FERMT2: variants seen among roughly 807,000 people sequenced by gnomAD.
FERMT2 encodes the protein FERM domain containing kindlin 2.
A neutral mutation model predicts 82.7 loss-of-function variants in FERMT2; 15 were observed. That is an observed-to-expected ratio of 0.18 (90% CI 0.12 to 0.28). The LOEUF (loss-of-function observed/expected upper bound fraction) is 0.28, where lower values mean the gene tolerates loss of function less well. Among genes scored for constraint, FERMT2 ranks in the 10% least tolerant of loss-of-function variants. The pLI is 1.00. For missense variants in FERMT2, 645 were observed against 809.4 expected (o/e 0.80, Z 2.46); for synonymous variants, 274 against 271.5 (o/e 1.01, Z -0.09).
chr14:52,909,043 G>A (rs1888166327), intron 3 of FERMT2, among the ~76,000 whole-genome samples: 2 of 152,120 alleles, frequency 1.3e-5, no homozygotes, highest in Admixed American at 6.6e-5. Flanking sequence ...GCTAAGGGCA[G>A]CCATATGACC....
At chr14:52,912,645 G>C (rs189236682) in intron 3 of FERMT2, among the ~76,000 whole-genome samples, 158 of 152,106 alleles carry the variant, frequency 1.0e-3, no homozygotes, top group Non-Finnish European at 1.8e-3. Context: ...AAACAGTTGG[G>C]ACCACAGGTG....
chr14:52,879,643 A>AAT (rs763833238), intron 6 of FERMT2, among the ~76,000 whole-genome samples: 3 of 152,164 alleles, frequency 2.0e-5, no homozygotes, highest in Non-Finnish European at 2.9e-5. Context: ...CTATAATTTT[A>AAT]TTATAGAGAT....
intron 3 of FERMT2, among the ~76,000 whole-genome samples, chr14:52,907,990 C>T (rs181397820): frequency 6.6e-6 from 1 of 152,260 alleles, no homozygotes; most frequent in Admixed American, 6.5e-5. Context: ...GCAAAGAATG[C>T]TTACAACACA....
intron 4 of FERMT2, among the ~76,000 whole-genome samples, chr14:52,889,248 G>A (rs1886794585): frequency 6.6e-6 from 1 of 152,146 alleles, no homozygotes; most frequent in Non-Finnish European, 1.5e-5. Context: ...GTCAGTAATA[G>A]CAACGTTTTA....
intron 4 of FERMT2, 88 bp from the exon 5 acceptor site, chr14:52,881,557 T>G: frequency 9.5e-7 from 1 of 1,056,632 alleles, no homozygotes; most frequent in Non-Finnish European, 1.4e-6. Flanking sequence ...ATAAAGCACA[T>G]TGTGAAACAA....
intron 2 of FERMT2, among the ~76,000 whole-genome samples, chr14:52,931,024 C>T (rs1889542753): frequency 1.3e-5 from 2 of 151,968 alleles, no homozygotes; most frequent in Non-Finnish European, 1.5e-5. Context: ...AGGATGTGCC[C>T]TCCTGTTCTG....
At chr14:52,900,197 G>A (rs1230675879) in intron 3 of FERMT2, among the ~76,000 whole-genome samples, 1 of 151,426 alleles carries the variant, frequency 6.6e-6, no homozygotes, top group African/African-American at 2.4e-5. Context: ...CAGCAGCCTC[G>A]ACTTCCCAGG....
chr14:52,915,628 A>G (rs139639249), intron 3 of FERMT2, among the ~76,000 whole-genome samples: 3 of 152,366 alleles, frequency 2.0e-5, no homozygotes, highest in African/African-American at 7.2e-5. Context: ...TTCTAAGTAG[A>G]TAAAAGCAGT....
At position 52,872,884 on chromosome 14, in the gene FERMT2, C is replaced by G; in HGVS notation, c.1188G>C (p.Trp396Cys). The part of the protein sequence containing the change: ...KLTLKGYKQY[W>C]CTFKDTSISC... ...AAATGGATGTGTCTTTGAAGGTGCA[C>G]CAATATTGTTTGTAACCTTTCAGAG... Residue 396 changes from tryptophan (W) to cysteine (C), a missense_variant, in exon 10 of 15, where the codon TGG becomes TGC. Trp to Cys is a radical substitution (Grantham distance 215, BLOSUM62 -2). Coordinates refer to ENST00000341590, the MANE Select transcript of FERMT2 (RefSeq NM_006832.3). 1 of 1,613,914 alleles carries G rather than the reference C, an allele frequency of 6.2e-7. No homozygotes were observed. Among genetic ancestry groups the G allele is most frequent in the Non-Finnish European group, 8.5e-7 (1 of 1,179,858 alleles).
intron 12 of FERMT2, chr14:52,861,598 T>C (rs1884942887): frequency 6.5e-6 from 1 of 152,742 alleles, no homozygotes; most frequent in African/African-American, 2.4e-5. Context: ...ATGTGTTTTT[T>C]GCATCCTTTT....
intron 2 of FERMT2, among the ~76,000 whole-genome samples, chr14:52,945,489 G>T (rs189247718): frequency 7.2e-5 from 11 of 151,802 alleles, no homozygotes; most frequent in Non-Finnish European, 1.5e-4. Context: ...CCTGACCTCA[G>T]GTGATCCACC....
intron 2 of FERMT2, among the ~76,000 whole-genome samples, chr14:52,936,929 C>T (rs1457957958): frequency 1.3e-5 from 2 of 151,780 alleles, no homozygotes; most frequent in East Asian, 1.9e-4. Flanking sequence ...CTGAGGTGGG[C>T]GGATCACCTG....
chr14:52,895,493 C>G (rs1887204775), intron 3 of FERMT2, among the ~76,000 whole-genome samples: 1 of 152,176 alleles, frequency 6.6e-6, no homozygotes, highest in Non-Finnish European at 1.5e-5. Flanking sequence ...GAACACAACT[C>G]ACCAATCAGT....
At chr14:52,942,216 T>A (rs1396689734) in intron 2 of FERMT2, among the ~76,000 whole-genome samples, 1 of 152,142 alleles carries the variant, frequency 6.6e-6, no homozygotes, top group Non-Finnish European at 1.5e-5. Flanking sequence ...ACAAATAGTT[T>A]ATATAAAGTA....
chr14:52,924,626 G>T lies in FERMT2; in HGVS notation c.158-5270C>A, dbSNP rs2139654449. Among the ~76,000 whole-genome samples the T allele has an allele frequency of 1.3e-5, 2 of 152,134 alleles. 1 individual carries two copies. Among genetic ancestry groups the T allele is most frequent in the South Asian group, 4.2e-4 (2 of 4,818 alleles). Reference sequence around the variant, plus strand: ...GTGTGCAAGAAGTTAATGTGAGAGTGGAAATGACAACCATTTCAGTTATAA... The same window carrying T: ...GTGTGCAAGAAGTTAATGTGAGAGTTGAAATGACAACCATTTCAGTTATAA... On this transcript the variant is annotated intron_variant, in intron 2 of 14. Transcript: ENST00000341590.
intron 4 of FERMT2, among the ~76,000 whole-genome samples, chr14:52,884,105 A>C (rs1447126741): frequency 6.6e-6 from 1 of 152,246 alleles, no homozygotes; most frequent in Admixed American, 6.5e-5. Flanking sequence ...TCTGCGTTTC[A>C]ACTTCCTATA....
chr14:52,889,352 G>A (rs1886799499), intron 4 of FERMT2, among the ~76,000 whole-genome samples: 2 of 152,164 alleles, frequency 1.3e-5, no homozygotes, highest in Non-Finnish European at 2.9e-5. Flanking sequence ...CAAAGGTCTA[G>A]CCTCTGAAAG....
intron 3 of FERMT2, among the ~76,000 whole-genome samples, chr14:52,907,359 T>C (rs1268327744): frequency 6.6e-6 from 1 of 152,034 alleles, no homozygotes; most frequent in Admixed American, 6.5e-5. Flanking sequence ...TCATAACCAG[T>C]AGACTTGCAC....
At chr14:52,938,147 A>G (rs1889932294) in intron 2 of FERMT2, among the ~76,000 whole-genome samples, 1 of 152,226 alleles carries the variant, frequency 6.6e-6, no homozygotes, top group Admixed American at 6.5e-5. Context: ...ACTTCAAGGA[A>G]TGTATTCAGA....
Sources: allele counts gnomAD v4.1 joint callset (sites outside exome capture counted in the v4.1 genomes callset), GRCh38; gene constraint gnomAD v4.1.1; transcripts MANE v1.5; gene names NCBI Gene and HGNC (gene_info 2026-07-23, HGNC 2026-07-21).